The following MFHAS1 variants were observed in gnomAD, a reference collection of about 807,000 sequenced individuals.
MFHAS1 encodes the protein multifunctional ROCO family signaling regulator 1.
In MFHAS1, 50 loss-of-function variants were observed where a neutral mutation model predicts 70.4. The observed-to-expected ratio is 0.71, with a 90% confidence interval of 0.57 to 0.90. MFHAS1 has a LOEUF of 0.90. MFHAS1 is among the 40% of genes least tolerant of loss of function. The pLI, the probability that MFHAS1 is intolerant of heterozygous loss-of-function variation, is 0.00. For synonymous variants in MFHAS1, 952 were observed against 620.0 expected (o/e 1.54, Z -7.96); for missense variants, 1,795 against 1,347.6 (o/e 1.33, Z -5.20).
At chr8:8,841,603 C>T (rs529935899) in intron 1 of MFHAS1, among the ~76,000 whole-genome samples, 3 of 152,208 alleles carry the variant, frequency 2.0e-5, no homozygotes, top group South Asian at 4.1e-4. Flanking sequence ...GTCAGACAGT[C>T]GAGTGGAGGA....
At chr8:8,798,856 G>A (rs902210657) in intron 1 of MFHAS1, among the ~76,000 whole-genome samples, 3 of 152,072 alleles carry the variant, frequency 2.0e-5, no homozygotes, top group African/African-American at 7.2e-5. Context: ...AGACCAGCCT[G>A]GCCAATAAGG....
At chr8:8,878,290 C>A (rs186744719) in intron 1 of MFHAS1, among the ~76,000 whole-genome samples, 13 of 152,144 alleles carry the variant, frequency 8.5e-5, no homozygotes, top group Non-Finnish European at 1.5e-4. Context: ...AGGTTTGGGG[C>A]TGATATCCTA....
chr8:8,815,584 T>C (rs759986996), intron 1 of MFHAS1, among the ~76,000 whole-genome samples: 8 of 152,228 alleles, frequency 5.3e-5, no homozygotes, highest in Non-Finnish European at 8.8e-5. Flanking sequence ...TGGTATCTCA[T>C]TGTGGTTTTG....
intron 2 of MFHAS1, among the ~76,000 whole-genome samples, chr8:8,788,406 C>T (rs1396752655): frequency 2.6e-5 from 4 of 152,204 alleles, no homozygotes; most frequent in African/African-American, 2.4e-5. Context: ...GAGCCAGGTG[C>T]GGCAGCTCAT....
intron 1 of MFHAS1, among the ~76,000 whole-genome samples, chr8:8,803,381 G>A (rs1806150215): frequency 1.3e-5 from 2 of 151,874 alleles, no homozygotes; most frequent in South Asian, 4.2e-4. Flanking sequence ...GCCAGGGATG[G>A]TGGTAGGCAC....
At chr8:8,804,373 A>C (rs1187822243) in intron 1 of MFHAS1, among the ~76,000 whole-genome samples, 1 of 152,210 alleles carries the variant, frequency 6.6e-6, no homozygotes, top group Non-Finnish European at 1.5e-5. Context: ...TTTGATATTG[A>C]ATGCTGAAAC....
chr8:8,832,188 G>C (rs1238051094), intron 1 of MFHAS1, among the ~76,000 whole-genome samples: 2 of 148,396 alleles, frequency 1.3e-5, no homozygotes, highest in Non-Finnish European at 3.0e-5. Flanking sequence ...GGGACAGAAA[G>C]AAAGAAAAAA....
intron 1 of MFHAS1, among the ~76,000 whole-genome samples, chr8:8,807,674 A>G (rs1293893710): frequency 6.6e-6 from 1 of 152,170 alleles, no homozygotes; most frequent in Non-Finnish European, 1.5e-5. Flanking sequence ...TAAAAACCTC[A>G]CCATCCACAA....
chr8:8,824,440 C>T (rs1807078144), intron 1 of MFHAS1, among the ~76,000 whole-genome samples: 1 of 151,932 alleles, frequency 6.6e-6, no homozygotes, highest in South Asian at 2.1e-4. Context: ...CACTGCAGGC[C>T]ATTTCAGAGT....
At chr8:8,854,476 G>T (rs372184532) in intron 1 of MFHAS1, among the ~76,000 whole-genome samples, 1 of 151,474 alleles carries the variant, frequency 6.6e-6, no homozygotes, top group Non-Finnish European at 1.5e-5. Context: ...AGCTGAGATC[G>T]CACCACTGCA....
chr8:8,834,360 A>C (rs1271013000), intron 1 of MFHAS1, among the ~76,000 whole-genome samples: 2 of 152,208 alleles, frequency 1.3e-5, no homozygotes, highest in Non-Finnish European at 2.9e-5. Flanking sequence ...GCAGTAATGT[A>C]CTAGGCCTTC....
chr8:8,838,140 T>C (rs1807670754), intron 1 of MFHAS1, among the ~76,000 whole-genome samples: 1 of 152,176 alleles, frequency 6.6e-6, no homozygotes. Flanking sequence ...TACATTACAC[T>C]GAGTGAAAAG....
At chr8:8,801,383 A>G (rs1427943036) in intron 1 of MFHAS1, among the ~76,000 whole-genome samples, 1 of 152,218 alleles carries the variant, frequency 6.6e-6, no homozygotes, top group Non-Finnish European at 1.5e-5. Context: ...CGAAGGTGGA[A>G]GGCACTGAGA....
intron 1 of MFHAS1, among the ~76,000 whole-genome samples, chr8:8,853,115 T>C (rs1023608040): frequency 6.6e-6 from 1 of 152,024 alleles, no homozygotes; most frequent in Non-Finnish European, 1.5e-5. Context: ...GCAGGCTCCA[T>C]TTCTCCTACT....
Position 8,808,447 on chromosome 8 carries a change from C to T in MFHAS1, c.2999-10956G>A, listed in dbSNP as rs551578365. Among the ~76,000 whole-genome samples, 9 of 152,302 alleles carry T rather than the reference C, an allele frequency of 5.9e-5. No homozygotes were observed. The East Asian group carries it at 1.7e-3, about 29-fold the overall frequency. On this transcript the variant is annotated intron_variant, in intron 1 of 2. Transcript: ENST00000276282. ...TTAATACGTCACCCTTATTTTACTT[C>T]ATAATGGCCCGAAAGTGTAAGAGTA...
intron 1 of MFHAS1, among the ~76,000 whole-genome samples, chr8:8,820,543 C>G (rs145559222): frequency 3.7e-3 from 570 of 152,276 alleles, no homozygotes; most frequent in Non-Finnish European, 6.1e-3. Context: ...CGTGCTCACC[C>G]AAACAATTTT....
chr8:8,825,401 G>T (rs1256961113), intron 1 of MFHAS1, among the ~76,000 whole-genome samples: 1 of 152,214 alleles, frequency 6.6e-6, no homozygotes. Flanking sequence ...TCAAACTCCT[G>T]ATCTCAAGTG....
intron 1 of MFHAS1, among the ~76,000 whole-genome samples, chr8:8,823,379 T>C (rs1807038310): frequency 6.6e-6 from 1 of 152,134 alleles, no homozygotes. Flanking sequence ...AGTAAGGAGC[T>C]GGACACGGGG....
intron 1 of MFHAS1, among the ~76,000 whole-genome samples, chr8:8,827,863 T>A (rs1184221782): frequency 2.0e-5 from 3 of 152,244 alleles, no homozygotes; most frequent in Non-Finnish European, 4.4e-5. Flanking sequence ...ATAATTTTTA[T>A]GAGTTCATTA....
Sources: gnomAD v4.1 joint callset for allele counts (sites outside exome capture counted in the v4.1 genomes callset) on GRCh38, gnomAD v4.1.1 for gene constraint, MANE v1.5 for transcripts, NCBI Gene and HGNC (gene_info 2026-07-23, HGNC 2026-07-21) for gene names.